Variants in CABCOCO1 observed in about 807,000 individuals in gnomAD.
CABCOCO1 encodes the protein ciliary-associated calcium-binding coiled-coil protein 1.
A neutral mutation model predicts 35.7 loss-of-function variants in CABCOCO1; 28 were observed. That is an observed-to-expected ratio of 0.78 (90% CI 0.58 to 1.07). The LOEUF (loss-of-function observed/expected upper bound fraction) is 1.07, where lower values mean the gene tolerates loss of function less well. Ranked by LOEUF, CABCOCO1 falls within the 50% of genes least tolerant of loss-of-function variation. The probability of loss-of-function intolerance (pLI) is 0.00; values close to 1 mark genes in which losing one functional copy is unlikely to be tolerated. For synonymous variants in CABCOCO1, 95 were observed against 100.1 expected, an observed-to-expected ratio of 0.95 and a Z score of 0.30; for missense variants, 326 against 309.2, an observed-to-expected ratio of 1.05 and a Z score of -0.41.
chr10:61,742,593 G>C (rs185600733), intron 5 of CABCOCO1, among the ~76,000 whole-genome samples: 2 of 152,252 alleles, frequency 1.3e-5, no homozygotes, highest in Admixed American at 6.5e-5. Flanking sequence ...AGAGCTTCTT[G>C]TTCCTCGTCT....
At chr10:61,670,826 G>A (rs1245322955) in intron 1 of CABCOCO1, among the ~76,000 whole-genome samples, 1 of 152,076 alleles carries the variant, frequency 6.6e-6, no homozygotes, top group Non-Finnish European at 1.5e-5. Context: ...CCCTGGCTTT[G>A]AGCAGTCTCA....
intron 5 of CABCOCO1, among the ~76,000 whole-genome samples, chr10:61,704,010 G>A (rs1336018023): frequency 6.6e-6 from 1 of 151,898 alleles, no homozygotes; most frequent in Non-Finnish European, 1.5e-5. Context: ...GAGGCCAGTA[G>A]TTCGAGACCA....
At chr10:61,682,211 G>A (rs1288573352) in intron 3 of CABCOCO1, among the ~76,000 whole-genome samples, 1 of 151,934 alleles carries the variant, frequency 6.6e-6, no homozygotes, top group Non-Finnish European at 1.5e-5. Context: ...ACTTTATATT[G>A]TTGATATTAT....
At chr10:61,752,045 C>G (rs1841800766) in intron 5 of CABCOCO1, among the ~76,000 whole-genome samples, 1 of 152,216 alleles carries the variant, frequency 6.6e-6, no homozygotes, top group South Asian at 2.1e-4. Context: ...TCCACAAAAT[C>G]AGTTTTGTAG....
At chr10:61,700,833 A>G (rs1487243789) in intron 5 of CABCOCO1, among the ~76,000 whole-genome samples, 1 of 152,094 alleles carries the variant, frequency 6.6e-6, no homozygotes, top group African/African-American at 2.4e-5. Context: ...TACGATGGAA[A>G]GTTATTCACA....
chr10:61,718,033 G>A (rs1840909504), intron 5 of CABCOCO1, among the ~76,000 whole-genome samples: 1 of 152,148 alleles, frequency 6.6e-6, no homozygotes, highest in South Asian at 2.1e-4. Flanking sequence ...GCTGGTCCGC[G>A]TGGTTCAGGC....
At chr10:61,670,418 C>T (rs1564528481) in intron 1 of CABCOCO1, among the ~76,000 whole-genome samples, 2 of 151,234 alleles carry the variant, frequency 1.3e-5, no homozygotes, top group African/African-American at 2.4e-5. Context: ...ATTGGCCCAC[C>T]GTAGCTTACA....
intron 5 of CABCOCO1, among the ~76,000 whole-genome samples, chr10:61,706,044 A>C (rs1290971115): frequency 6.6e-6 from 1 of 152,178 alleles, no homozygotes; most frequent in Non-Finnish European, 1.5e-5. Flanking sequence ...ACCCAAACAA[A>C]ATAGAACACA....
At chr10:61,763,046 T>C (rs1039439283) in intron 7 of CABCOCO1, among the ~76,000 whole-genome samples, 37 of 152,018 alleles carry the variant, frequency 2.4e-4, no homozygotes, top group African/African-American at 8.5e-4. Context: ...GTGTCAGTGG[T>C]CAGTGTATAT....
At chr10:61,684,055 C>T (rs1044051201) in intron 3 of CABCOCO1, among the ~76,000 whole-genome samples, 1 of 151,910 alleles carries the variant, frequency 6.6e-6, no homozygotes, top group African/African-American at 2.4e-5. Context: ...TTGCTTTTAT[C>T]CAACAGATTT....
At chr10:61,742,019 A>T (rs1459665172) in intron 5 of CABCOCO1, among the ~76,000 whole-genome samples, 1 of 152,166 alleles carries the variant, frequency 6.6e-6, no homozygotes, top group Non-Finnish European at 1.5e-5. Flanking sequence ...GTAGAAGGTA[A>T]TGGCTGTGGT....
chr10:61,695,766 T>A (rs1840277728), intron 5 of CABCOCO1, among the ~76,000 whole-genome samples: 1 of 151,878 alleles, frequency 6.6e-6, no homozygotes, highest in Non-Finnish European at 1.5e-5. Context: ...AGAACTTCAT[T>A]CCGAGAAAAA....
At chr10:61,726,433 A>G (rs1221625473) in intron 5 of CABCOCO1, among the ~76,000 whole-genome samples, 1 of 152,058 alleles carries the variant, frequency 6.6e-6, no homozygotes, top group Non-Finnish European at 1.5e-5. Flanking sequence ...CAATATAAAA[A>G]TGTGGGCTAT....
At chr10:61,762,019 A>G (rs1842019790) in intron 7 of CABCOCO1, among the ~76,000 whole-genome samples, 1 of 152,040 alleles carries the variant, frequency 6.6e-6, no homozygotes, top group Admixed American at 6.6e-5. Context: ...ATTGTTAACA[A>G]CTCCATGAAT....
intron 2 of CABCOCO1, among the ~76,000 whole-genome samples, chr10:61,678,771 A>G (rs946776776): frequency 5.3e-5 from 8 of 152,152 alleles, no homozygotes; most frequent in Non-Finnish European, 8.8e-5. Context: ...ATTATTTATA[A>G]TAATTTAGGA....
rs369977055 is a variant in CABCOCO1 at position 61,664,932 on chromosome 10, T to G, written c.60+1900T>G. 3.9e-5 allele frequency among the ~76,000 whole-genome samples: 6 copies of G among 152,320 alleles called. No individual in the cohort carries two copies. The South Asian group carries it at 1.0e-3, about 26-fold the overall frequency. On this transcript the variant is annotated intron_variant, in intron 1 of 7. Coordinates refer to ENST00000648843, the MANE Select transcript of CABCOCO1 (RefSeq NM_001366906.2). ...AAAGGTTCTTCTCAGATCAAATTCT[T>G]TACAATGTTGATCCCCCAACAGCTA...
At chr10:61,676,841 C>A (rs1268500454) in intron 2 of CABCOCO1, among the ~76,000 whole-genome samples, 1 of 151,728 alleles carries the variant, frequency 6.6e-6, no homozygotes, top group African/African-American at 2.4e-5. Context: ...GCAGGCGGAT[C>A]ATGAGGTCAG....
intron 5 of CABCOCO1, among the ~76,000 whole-genome samples, chr10:61,693,646 C>T (rs746767474): frequency 3.3e-5 from 5 of 152,088 alleles, no homozygotes; most frequent in Middle Eastern, 3.2e-3. Context: ...CCAGACATCA[C>T]TGCTTTTTAA....
At chr10:61,691,241 G>C (rs1038485353) in intron 5 of CABCOCO1, among the ~76,000 whole-genome samples, 6 of 152,076 alleles carry the variant, frequency 3.9e-5, no homozygotes, top group Non-Finnish European at 5.9e-5. Context: ...GGTTGATGTA[G>C]TTACTACAAC....
Sources: allele counts gnomAD v4.1 joint callset (sites outside exome capture counted in the v4.1 genomes callset), GRCh38; gene constraint gnomAD v4.1.1; transcripts MANE v1.5; gene names NCBI Gene and HGNC (gene_info 2026-07-23, HGNC 2026-07-21).